The following PPIL3 variants were observed in gnomAD, a reference collection of about 807,000 sequenced individuals.
PPIL3 encodes peptidylprolyl isomerase like 3.
In PPIL3, 13 loss-of-function variants were observed where a neutral mutation model predicts 20.9. The ratio of observed to expected loss-of-function variants is 0.62; its 90% CI spans 0.40 to 0.99. The LOEUF is 0.99. Among genes scored for constraint, PPIL3 ranks in the 50% least tolerant of loss-of-function variants. The pLI is 0.00. For synonymous variants in PPIL3, 71 were observed against 64.4 expected, an observed-to-expected ratio of 1.10 and a Z score of -0.49; for missense variants, 170 against 195.2, an observed-to-expected ratio of 0.87 and a Z score of 0.77.
chr2:200,881,831 C>T (rs1436894102), intron 4 of PPIL3: 3 of 259,400 alleles, frequency 1.2e-5, no homozygotes, highest in Middle Eastern at 1.2e-3. Context: ...CAATATTGTT[C>T]ACATTTTAGG....
intron 5 of PPIL3, among the ~76,000 whole-genome samples, chr2:200,879,411 G>A (rs944259533): frequency 1.5e-4 from 23 of 151,648 alleles, no homozygotes; most frequent in Admixed American, 9.9e-4. Flanking sequence ...GAGCCACCGC[G>A]CCCGGCCTAT....
chr2:200,886,244 G>A (rs779754424), intron 2 of PPIL3, among the ~76,000 whole-genome samples: 21 of 152,122 alleles, frequency 1.4e-4, no homozygotes, highest in Non-Finnish European at 2.9e-4. Flanking sequence ...TTCCTTTCTC[G>A]ACTAACAAAA....
At chr2:200,879,974 A>C (rs567969005) in intron 5 of PPIL3, among the ~76,000 whole-genome samples, 34 of 152,346 alleles carry the variant, frequency 2.2e-4, no homozygotes, top group African/African-American at 7.7e-4. Context: ...GACTTTTCAA[A>C]AAGTTTATCA....
intron 1 of PPIL3, 56 bp downstream of exon 1, chr2:200,888,900 G>C (rs2040087294): frequency 2.1e-6 from 1 of 471,116 alleles, no homozygotes; most frequent in Middle Eastern, 3.2e-4. Flanking sequence ...TAGCAACACA[G>C]AACTCAGCAA....
At chr2:200,877,702 A>T (rs1427664833) in intron 5 of PPIL3, 1 of 152,210 alleles carries the variant, frequency 6.6e-6, no homozygotes, top group Non-Finnish European at 1.5e-5. Flanking sequence ...GCAGAATGTA[A>T]ACATTAGAGA....
At position 200,871,170 on chromosome 2, in the gene PPIL3, T is replaced by C; in HGVS notation, c.*225A>G. ...AACAAAAATTAAATGATGTATTTTT[T>C]GTATTAAAATTAAAGAAATATGTTG... On this transcript the variant is annotated 3_prime_UTR_variant, in exon 7 of 7. Transcript: ENST00000392283. The C allele has an allele frequency of 2.8e-6, 1 of 360,124 alleles. No individual in the cohort carries two copies. Among genetic ancestry groups the C allele is most frequent in the South Asian group, 9.0e-5 (1 of 11,074 alleles). The allele number at this position is 360,124 out of a possible 1,614,324, so 22.3% of individuals were successfully genotyped here. A position where few individuals can be genotyped will look rare whatever the true frequency, so the allele number is the denominator to read the frequency against.
At chr2:200,873,111 G>A (rs868773442) in intron 6 of PPIL3, among the ~76,000 whole-genome samples, 1 of 151,730 alleles carries the variant, frequency 6.6e-6, no homozygotes, top group African/African-American at 2.4e-5. Context: ...CAGGTGATCC[G>A]CCCGCCTTGG....
chr2:200,887,590 G>A, intron 2 of PPIL3, 23 bp downstream of exon 2: 1 of 1,567,762 alleles, frequency 6.4e-7, no homozygotes, highest in Non-Finnish European at 8.7e-7. Flanking sequence ...AAAGACATTA[G>A]ATAAAAATTG....
chr2:200,873,776 A>AT (rs1048606037), intron 6 of PPIL3, among the ~76,000 whole-genome samples: 14 of 151,722 alleles, frequency 9.2e-5, no homozygotes, highest in African/African-American at 2.9e-4. Flanking sequence ...ATCTGACTGC[A>AT]TTTTGACTGC....
intron 2 of PPIL3, among the ~76,000 whole-genome samples, chr2:200,886,598 G>C (rs779278214): frequency 7.9e-5 from 12 of 152,022 alleles, no homozygotes; most frequent in Non-Finnish European, 1.5e-4. Context: ...GATAATTTTT[G>C]TATTTTTAGT....
intron 3 of PPIL3, chr2:200,885,252 TC>T: frequency 6.5e-6 from 2 of 306,110 alleles, no homozygotes; most frequent in Non-Finnish European, 1.2e-5. Context: ...ACGCCTGTAA[TC>T]CCACTTACTC....
chr2:200,888,491 G>C (rs1345189869), intron 1 of PPIL3: 1 of 155,810 alleles, frequency 6.4e-6, no homozygotes, highest in East Asian at 1.9e-4. Flanking sequence ...TTCCACCACA[G>C]CACTTATCAC....
chr2:200,886,317 C>T (rs1333985670), intron 2 of PPIL3, among the ~76,000 whole-genome samples: 1 of 152,026 alleles, frequency 6.6e-6, no homozygotes, highest in Non-Finnish European at 1.5e-5. Flanking sequence ...TGCTTTCTTG[C>T]TTGCTTTTTG....
intron 6 of PPIL3, among the ~76,000 whole-genome samples, chr2:200,876,714 G>C (rs1441468891): frequency 1.3e-5 from 2 of 151,936 alleles, no homozygotes; most frequent in African/African-American, 2.4e-5. Context: ...TAGAGACAGG[G>C]GTTCTGCCAC....
chr2:200,872,455 G>C (rs2039341036), intron 6 of PPIL3, among the ~76,000 whole-genome samples: 1 of 152,032 alleles, frequency 6.6e-6, no homozygotes, highest in Non-Finnish European at 1.5e-5. Context: ...CTAGTGACTG[G>C]AACTCAATCT....
In PPIL3 at chr2:200,871,308, T is replaced by C. The variant is rs985380782; in HGVS notation, c.*87A>G. ...TAGTTGTAAACAAGCAGAAGGATGA[T>C]GCAATCTCTGACATAATTAAAACCG... On this transcript the variant is annotated 3_prime_UTR_variant, in exon 7 of 7. Coordinates refer to ENST00000392283, the MANE Select transcript of PPIL3 (RefSeq NM_130906.3). 2.2e-6 allele frequency: 3 copies of C among 1,366,014 alleles called. No individual in the cohort carries two copies. Among genetic ancestry groups the C allele is most frequent in the East Asian group, 2.4e-5 (1 of 42,376 alleles). 84.6% of individuals were successfully genotyped at this position (1,366,014 alleles called of 1,614,324 possible).
At chr2:200,887,706 G>T in intron 1 of PPIL3, 21 bp from the exon 2 acceptor site, 1 of 1,072,556 alleles carries the variant, frequency 9.3e-7, no homozygotes, top group South Asian at 1.5e-5. Flanking sequence ...AAGAAAAAAA[G>T]AATTAGGCTC....
At chr2:200,885,166 T>A (rs1178343957) in intron 3 of PPIL3, 3 of 175,502 alleles carry the variant, frequency 1.7e-5, no homozygotes, top group Non-Finnish European at 3.5e-5. Flanking sequence ...AGGTTAGAAG[T>A]TTGAGACCAG....
At chr2:200,878,207 G>A (rs1422418901) in intron 5 of PPIL3, among the ~76,000 whole-genome samples, 2 of 152,004 alleles carry the variant, frequency 1.3e-5, no homozygotes, top group South Asian at 4.1e-4. Context: ...AATAAAATAA[G>A]CACCCATTAA....
Sources: allele counts gnomAD v4.1 joint callset (sites outside exome capture counted in the v4.1 genomes callset), GRCh38; gene constraint gnomAD v4.1.1; transcripts MANE v1.5; gene names NCBI Gene and HGNC (gene_info 2026-07-23, HGNC 2026-07-21).